Variants in BCL2L14 observed in about 807,000 individuals in gnomAD.
BCL2L14 encodes apoptosis facilitator Bcl-2-like protein 14.
BCL2L14 carries 27 observed loss-of-function variants against 35.3 expected under a neutral mutation model. That is an observed-to-expected ratio of 0.76 (90% CI 0.56 to 1.05). BCL2L14 has a LOEUF of 1.05. BCL2L14 is among the 50% of genes least tolerant of loss of function. BCL2L14 has a pLI of 0.00. For missense variants in BCL2L14, 377 were observed against 382.6 expected (o/e 0.99, Z 0.12); for synonymous variants, 139 against 145.9 (o/e 0.95, Z 0.34).
At chr12:12,051,575 T>G (rs1591797381) in intron 1 of BCL2L14, among the ~76,000 whole-genome samples, 1 of 95,412 alleles carries the variant, frequency 1.0e-5, no homozygotes, top group Admixed American at 1.3e-4. Context: ...TTTCAGCCCC[T>G]GGTCCCCATT....
chr12:12,064,094 C>T (rs1032547340), intron 2 of BCL2L14, among the ~76,000 whole-genome samples: 2 of 152,162 alleles, frequency 1.3e-5, no homozygotes, highest in Non-Finnish European at 2.9e-5. Context: ...AAGTAATCCA[C>T]CTGCCTCAGC....
intron 5 of BCL2L14, among the ~76,000 whole-genome samples, chr12:12,097,263 T>C (rs1723379663): frequency 6.6e-6 from 1 of 152,214 alleles, no homozygotes; most frequent in Admixed American, 6.5e-5. Flanking sequence ...ATAGCTTCCA[T>C]TAGCCAAAAA....
intron 2 of BCL2L14, among the ~76,000 whole-genome samples, chr12:12,058,704 G>T (rs577682464): frequency 5.3e-5 from 8 of 151,684 alleles, no homozygotes; most frequent in African/African-American, 1.9e-4. Flanking sequence ...GACTCAGCCC[G>T]CCTGCACCCA....
intron 2 of BCL2L14, chr12:12,054,525 C>G (rs1948403098): frequency 7.2e-6 from 1 of 138,440 alleles, no homozygotes; most frequent in Admixed American, 7.2e-5. Context: ...AAAATAAAAT[C>G]CAATTAGGAA....
intron 2 of BCL2L14, chr12:12,054,668 A>T (rs1018476012): frequency 2.0e-5 from 3 of 151,680 alleles, no homozygotes; most frequent in African/African-American, 7.3e-5. Flanking sequence ...ATGATGAAAC[A>T]GGCCAGGCGT....
At chr12:12,053,148 C>T (rs1948382165) in intron 2 of BCL2L14, among the ~76,000 whole-genome samples, 1 of 152,192 alleles carries the variant, frequency 6.6e-6, no homozygotes, top group South Asian at 2.1e-4. Context: ...TACATATTTA[C>T]ATTTACATCC....
chr12:12,087,994 C>T (rs1488226921), intron 3 of BCL2L14, among the ~76,000 whole-genome samples: 2 of 152,134 alleles, frequency 1.3e-5, no homozygotes, highest in African/African-American at 4.8e-5. Flanking sequence ...AAGCTCTGCC[C>T]GGCATTCCCC....
intron 5 of BCL2L14, chr12:12,095,137 AAGGG>A: frequency 1.0e-6 from 1 of 985,384 alleles, no homozygotes; most frequent in East Asian, 1.1e-4. Context: ...TGAGCTCTCC[AAGGG>A]TATGCAGGGT....
At chr12:12,085,347 G>A (rs1949019473) in intron 2 of BCL2L14, among the ~76,000 whole-genome samples, 1 of 152,206 alleles carries the variant, frequency 6.6e-6, no homozygotes, top group Admixed American at 6.5e-5. Flanking sequence ...ATCTCCTGAG[G>A]ACATGGCCAG....
chr12:12,095,978 A>G (rs908339021), intron 5 of BCL2L14: 3 of 985,402 alleles, frequency 3.0e-6, no homozygotes, highest in South Asian at 4.7e-5. Context: ...AGCTTATTCT[A>G]AAAGGAGGAC....
chr12:12,085,505 A>C (rs1234092802), intron 2 of BCL2L14, among the ~76,000 whole-genome samples: 2 of 152,340 alleles, frequency 1.3e-5, no homozygotes, highest in East Asian at 3.9e-4. Flanking sequence ...TTCTTAAAAA[A>C]CGAGGAGGAA....
chr12:12,083,425 TAA>T (rs1293915210), intron 2 of BCL2L14, among the ~76,000 whole-genome samples: 11 of 152,336 alleles, frequency 7.2e-5, no homozygotes, highest in African/African-American at 2.6e-4. Flanking sequence ...ACACCAGTTT[TAA>T]AGACTACCAA....
intron 1 of BCL2L14, among the ~76,000 whole-genome samples, chr12:12,075,156 T>C (rs1361793365): frequency 2.0e-5 from 3 of 152,108 alleles, no homozygotes; most frequent in African/African-American, 7.2e-5. Context: ...AGAGTCTCCG[T>C]GTGTCACCCA....
rs201152497 is a variant in BCL2L14, at chr12:12,060,627, A to C, written c.-272+8780A>C. On this transcript the variant is annotated intron_variant, in intron 2 of 3. Coordinates refer to the BCL2L14 transcript ENST00000461264. Reference sequence around the variant, plus strand: ...TCCAAAGGCCTAAACCTCAGCGTCCAGGCGTTCCTCCAGAACCTCCTCCCC... The same window carrying C: ...TCCAAAGGCCTAAACCTCAGCGTCCCGGCGTTCCTCCAGAACCTCCTCCCC... Among the ~76,000 whole-genome samples, 298 of 35,986 alleles carry C rather than the reference A, an allele frequency of 8.3e-3. 16 individuals are homozygous for C. Among genetic ancestry groups the C allele is most frequent in the East Asian group, 0.14 (2 of 14 alleles). The allele number at this position is 35,986 out of a possible 152,430, so 23.6% of individuals were successfully genotyped here.
chr12:12,058,023 C>A (rs1467153789), intron 2 of BCL2L14, among the ~76,000 whole-genome samples: 1 of 150,492 alleles, frequency 6.6e-6, no homozygotes, highest in Non-Finnish European at 1.5e-5. Flanking sequence ...TCTTGGCTCA[C>A]TGCAACCTCC....
chr12:12,065,880 C>T (rs920955348), intron 2 of BCL2L14, among the ~76,000 whole-genome samples: 5 of 152,000 alleles, frequency 3.3e-5, no homozygotes, highest in Admixed American at 3.3e-4. Context: ...CAACCTCTGC[C>T]ACCCAGGTTC....
rs1379459341 is a variant in BCL2L14, at chr12:12,060,817, G to T, written c.-272+8970G>T. On this transcript the variant is annotated intron_variant, in intron 2 of 3. Coordinates refer to the BCL2L14 transcript ENST00000461264. The stretch of plus-strand genomic sequence containing the variant: ...CAGAGCCCCTGGAACTCTGGCCGAA[G>T]GCTCTCTGACTGACTCCTTCTCAGC... 4.8e-4 allele frequency among the ~76,000 whole-genome samples: 63 copies of T among 131,322 alleles called. 2 individuals are homozygous for T. The highest frequency in any genetic ancestry group is 1.7e-3 in the African/African-American group (59 of 34,196). The allele number at this position is 131,322 out of a possible 152,430, so 86.2% of individuals were successfully genotyped here.
chr12:12,062,728 C>A (rs934313298), intron 2 of BCL2L14, among the ~76,000 whole-genome samples: 7 of 152,174 alleles, frequency 4.6e-5, no homozygotes, highest in Non-Finnish European at 8.8e-5. Flanking sequence ...GCAGTCATTT[C>A]TTCCCTTCAG....
chr12:12,092,089 A>G (rs981255494), intron 4 of BCL2L14, among the ~76,000 whole-genome samples: 1 of 152,156 alleles, frequency 6.6e-6, no homozygotes, highest in Non-Finnish European at 1.5e-5. Context: ...GACAACCTCA[A>G]GGGCTCTTTA....
Sources: gnomAD v4.1 joint callset for allele counts (sites outside exome capture counted in the v4.1 genomes callset) on GRCh38, gnomAD v4.1.1 for gene constraint, MANE v1.5 for transcripts, NCBI Gene and HGNC (gene_info 2026-07-23, HGNC 2026-07-21) for gene names.